TGFA: variants seen among roughly 807,000 people sequenced by gnomAD.
The protein encoded by TGFA is transforming growth factor alpha.
A neutral mutation model predicts 21.7 loss-of-function variants in TGFA; 12 were observed. The ratio of observed to expected loss-of-function variants is 0.55; its 90% confidence interval spans 0.35 to 0.90. The LOEUF (loss-of-function observed/expected upper bound fraction) is 0.90. Among genes scored for constraint, TGFA ranks in the 40% least tolerant of loss-of-function variants. The pLI, the probability that TGFA is intolerant of heterozygous loss-of-function variation, is 0.01. For missense variants in TGFA, 178 were observed against 210.8 expected, an observed-to-expected ratio of 0.84 and a Z score of 0.96; for synonymous variants, 79 against 88.1, an observed-to-expected ratio of 0.90 and a Z score of 0.58.
At chr2:70,471,891 T>C (rs900430273) in intron 2 of TGFA, among the ~76,000 whole-genome samples, 1 of 152,154 alleles carries the variant, frequency 6.6e-6, no homozygotes, top group Non-Finnish European at 1.5e-5. Context: ...CCAGTTATTT[T>C]ATAAAAATGA....
At chr2:70,520,480 C>A (rs1399681747) in intron 1 of TGFA, among the ~76,000 whole-genome samples, 1 of 151,418 alleles carries the variant, frequency 6.6e-6, no homozygotes, top group Non-Finnish European at 1.5e-5. Flanking sequence ...TGCCACTGCA[C>A]TCCAGCCTGG....
At chr2:70,468,494 C>T (rs1670638937) in intron 2 of TGFA, 1 of 152,232 alleles carries the variant, frequency 6.6e-6, no homozygotes. Context: ...TCTCTGTGCT[C>T]ACTGAACTTG....
intron 1 of TGFA, among the ~76,000 whole-genome samples, chr2:70,522,359 G>A (rs1420314627): frequency 7.2e-5 from 11 of 152,190 alleles, no homozygotes; most frequent in African/African-American, 2.7e-4. Flanking sequence ...TGCCGCTACA[G>A]CTCTAGGTCT....
intron 2 of TGFA, among the ~76,000 whole-genome samples, chr2:70,476,327 G>T (rs1670934704): frequency 6.6e-6 from 1 of 152,098 alleles, no homozygotes. Flanking sequence ...AAACAAGGAG[G>T]TTTATGTTTG....
At chr2:70,467,175 C>T (rs578169245) in intron 2 of TGFA, among the ~76,000 whole-genome samples, 1 of 152,222 alleles carries the variant, frequency 6.6e-6, no homozygotes, top group South Asian at 2.1e-4. Context: ...GCACATCCTG[C>T]ACATGTACCC....
At position 70,447,741 on chromosome 2, in the gene TGFA, G is replaced by A. The variant is rs1247748960; in HGVS notation, c.*3118C>T. On this transcript the variant is annotated 3_prime_UTR_variant, in exon 6 of 6. Coordinates refer to ENST00000295400, the MANE Select transcript of TGFA (RefSeq NM_003236.4). ...TGTTAGAACATTTAAAAATATACATGTTTGTCTTACTTCTGCAATGTGTTC... is the reference window on the plus strand; with the variant it reads ...TGTTAGAACATTTAAAAATATACATATTTGTCTTACTTCTGCAATGTGTTC... 1 of 152,142 alleles carries A rather than the reference G, an allele frequency of 6.6e-6. No individual in the cohort carries two copies. The highest frequency in any genetic ancestry group is 1.5e-5 in the Non-Finnish European group (1 of 68,036). The allele number at this position is 152,142 out of a possible 1,614,324, so 9.4% of individuals were successfully genotyped here.
chr2:70,514,778 G>C (rs1672216348), intron 2 of TGFA, 81 bp downstream of exon 2: 2 of 1,458,206 alleles, frequency 1.4e-6, no homozygotes, highest in Admixed American at 3.6e-5. Context: ...AGGCCAGGGA[G>C]GGAGCTCTTG....
At chr2:70,456,563 C>A in intron 3 of TGFA, 75 bp from the exon 4 acceptor site, 1 of 1,498,012 alleles carries the variant, frequency 6.7e-7, no homozygotes, top group Non-Finnish European at 9.0e-7. Context: ...GGAGGGCTTT[C>A]CTGGAGGGAC....
chr2:70,506,301 C>A (rs540026530), intron 2 of TGFA, among the ~76,000 whole-genome samples: 1 of 152,340 alleles, frequency 6.6e-6, no homozygotes, highest in East Asian at 1.9e-4. Context: ...AAAGCAAGAA[C>A]TTGGGGGATG....
chr2:70,522,806 A>C (rs1159543512), intron 1 of TGFA, among the ~76,000 whole-genome samples: 2 of 152,186 alleles, frequency 1.3e-5, no homozygotes, highest in Non-Finnish European at 2.9e-5. Flanking sequence ...TGCACAGAGC[A>C]CTTGAATCCT....
chr2:70,535,920 T>C (rs1459487311), intron 1 of TGFA, among the ~76,000 whole-genome samples: 1 of 152,180 alleles, frequency 6.6e-6, no homozygotes, highest in African/African-American at 2.4e-5. Flanking sequence ...ATGACCTCAA[T>C]AAAAGAAAGC....
intron 1 of TGFA, among the ~76,000 whole-genome samples, chr2:70,551,510 C>G (rs1553506822): frequency 6.6e-6 from 1 of 152,212 alleles, no homozygotes; most frequent in Non-Finnish European, 1.5e-5. Flanking sequence ...CGATGGAACA[C>G]TGGTTGATTC....
chr2:70,541,584 C>T (rs781300473), intron 1 of TGFA, among the ~76,000 whole-genome samples: 9 of 152,122 alleles, frequency 5.9e-5, no homozygotes, highest in Non-Finnish European at 1.2e-4. Context: ...AGGAGTGTGT[C>T]GTGAAGAGCT....
intron 5 of TGFA, chr2:70,451,716 TA>T: frequency 2.9e-6 from 2 of 687,902 alleles, no homozygotes; most frequent in Non-Finnish European, 2.6e-6. Context: ...AAAGAAAAAA[TA>T]AAAATATTTA....
intron 1 of TGFA, among the ~76,000 whole-genome samples, chr2:70,521,609 G>GTTGTT (rs1432347684): frequency 2.5e-5 from 2 of 78,876 alleles, no homozygotes; most frequent in Non-Finnish European, 4.8e-5. Context: ...TTTTGTTGTT[G>GTTGTT]TTTGTTTGTT....
At chr2:70,535,493 C>A (rs1426031533) in intron 1 of TGFA, among the ~76,000 whole-genome samples, 1 of 152,158 alleles carries the variant, frequency 6.6e-6, no homozygotes, top group Non-Finnish European at 1.5e-5. Context: ...CCTCTATAAG[C>A]ATTAAGTAAA....
intron 1 of TGFA, among the ~76,000 whole-genome samples, chr2:70,521,524 A>G (rs1553502255): frequency 6.6e-6 from 1 of 152,022 alleles, no homozygotes; most frequent in African/African-American, 2.4e-5. Context: ...CGAGAGACAC[A>G]TGAGAAAAAT....
At chr2:70,463,918 T>TATC (rs1243001951) in intron 3 of TGFA, among the ~76,000 whole-genome samples, 1 of 152,208 alleles carries the variant, frequency 6.6e-6, no homozygotes, top group East Asian at 1.9e-4. Context: ...TGACAGTGTC[T>TATC]ATCATCATCA....
intron 5 of TGFA, among the ~76,000 whole-genome samples, chr2:70,452,335 C>T (rs1670083177): frequency 6.6e-6 from 1 of 152,204 alleles, no homozygotes; most frequent in Non-Finnish European, 1.5e-5. Flanking sequence ...CCTCCACAAG[C>T]ACAGAGCCAC....
Sources: allele counts gnomAD v4.1 joint callset (sites outside exome capture counted in the v4.1 genomes callset), GRCh38; gene constraint gnomAD v4.1.1; transcripts MANE v1.5; gene names NCBI Gene and HGNC (gene_info 2026-07-23, HGNC 2026-07-21).